The following PRDM11 variants were observed in gnomAD, a reference collection of about 807,000 sequenced individuals.
PRDM11 encodes PR domain-containing protein 11.
PRDM11 carries 20 observed loss-of-function variants against 97.8 expected under a neutral mutation model. The observed-to-expected ratio is 0.20, with a 90% confidence interval of 0.14 to 0.30. The LOEUF is 0.30. PRDM11 is among the 10% of genes least tolerant of loss of function. PRDM11 has a pLI of 1.00. For synonymous variants in PRDM11, 599 were observed against 637.7 expected (o/e 0.94, Z 0.91); for missense variants, 1,139 against 1,555.2 (o/e 0.73, Z 4.50).
chr11:45,153,966 A>C (rs1300946828), intron 1 of PRDM11, among the ~76,000 whole-genome samples: 1 of 152,138 alleles, frequency 6.6e-6, no homozygotes, highest in African/African-American at 2.4e-5. Context: ...TCATTTTTCC[A>C]ATCTTCTTAA....
upstream of PRDM11, among the ~76,000 whole-genome samples, chr11:45,144,822 T>C (rs925272647): frequency 3.9e-5 from 6 of 152,328 alleles, no homozygotes; most frequent in African/African-American, 1.4e-4. Flanking sequence ...CCTTCCTCAG[T>C]GCTCTTTTCT....
intron 1 of PRDM11, among the ~76,000 whole-genome samples, chr11:45,109,919 T>G (rs1163606178): frequency 2.6e-5 from 4 of 152,140 alleles, no homozygotes; most frequent in African/African-American, 9.7e-5. Flanking sequence ...CCAGGGTTGC[T>G]CACAGTCACC....
At chr11:45,115,700 G>T (rs1035524018) in intron 1 of PRDM11, among the ~76,000 whole-genome samples, 3 of 151,914 alleles carry the variant, frequency 2.0e-5, no homozygotes, top group Non-Finnish European at 4.4e-5. Context: ...GAGGCTGACG[G>T]GGGTGGATCA....
intron 1 of PRDM11, among the ~76,000 whole-genome samples, chr11:45,156,917 C>T (rs1298405536): frequency 6.6e-6 from 1 of 152,088 alleles, no homozygotes; most frequent in South Asian, 2.1e-4. Flanking sequence ...AACAGGAGGA[C>T]CCCATGGTTC....
chr11:45,115,942 G>GAAAAAAA (rs1288816395), intron 1 of PRDM11, among the ~76,000 whole-genome samples: 1 of 134,304 alleles, frequency 7.4e-6, no homozygotes, highest in African/African-American at 2.9e-5. Context: ...AAAAAAAAAA[G>GAAAAAAA]AAAAAAAGAA....
chr11:45,169,914 C>T lies in PRDM11; in HGVS notation c.-6-11847C>T, dbSNP rs970105315. On this transcript the variant is annotated intron_variant, in intron 1 of 7. Transcript: ENST00000683152. ...TATCATGTGCCTATCTTGCACCAGGCACTGCTCTAGTTTCAGGGGATGTAG... is the reference window on the plus strand; with the variant it reads ...TATCATGTGCCTATCTTGCACCAGGTACTGCTCTAGTTTCAGGGGATGTAG... Among the ~76,000 whole-genome samples the T allele has an allele frequency of 2.6e-5, 4 of 152,212 alleles. No homozygotes were observed. The East Asian group carries it at 7.7e-4, about 29-fold the overall frequency.
At chr11:45,214,080 G>A (rs1255490719) in intron 5 of PRDM11, 1 of 227,602 alleles carries the variant, frequency 4.4e-6, no homozygotes, top group Non-Finnish European at 8.8e-6. Flanking sequence ...CAGGAGTGGA[G>A]GGCAACCTCT....
chr11:45,161,964 C>A (rs1175519338), intron 1 of PRDM11, among the ~76,000 whole-genome samples: 1 of 152,236 alleles, frequency 6.6e-6, no homozygotes, highest in Non-Finnish European at 1.5e-5. Flanking sequence ...CCATCTGGTT[C>A]CCTGTCCGGT....
intron 1 of PRDM11, among the ~76,000 whole-genome samples, chr11:45,179,016 AG>A (rs1212099731): frequency 1.3e-5 from 2 of 152,232 alleles, no homozygotes; most frequent in African/African-American, 4.8e-5. Context: ...TGGCAGTTGG[AG>A]GGGGGCAGTG....
intron 6 of PRDM11, among the ~76,000 whole-genome samples, chr11:45,221,515 A>T (rs1299978326): frequency 6.6e-6 from 1 of 152,174 alleles, no homozygotes; most frequent in Non-Finnish European, 1.5e-5. Context: ...ACCTTCTTGC[A>T]TTCTTCTGGA....
chr11:45,167,076 G>T (rs982477504), intron 1 of PRDM11, among the ~76,000 whole-genome samples: 2 of 152,282 alleles, frequency 1.3e-5, no homozygotes, highest in South Asian at 4.1e-4. Flanking sequence ...TAGGAAGGGG[G>T]TATAATTCAC....
chr11:45,163,791 C>T (rs538603049), intron 1 of PRDM11, among the ~76,000 whole-genome samples: 2 of 152,152 alleles, frequency 1.3e-5, no homozygotes, highest in African/African-American at 4.8e-5. Flanking sequence ...CTTCCTCAGC[C>T]CCTATTTAAG....
At chr11:45,197,783 A>G (rs1473901264) in intron 4 of PRDM11, among the ~76,000 whole-genome samples, 1 of 152,074 alleles carries the variant, frequency 6.6e-6, no homozygotes, top group East Asian at 1.9e-4. Context: ...AGAAAACCAA[A>G]CACTGCATGT....
rs761088625 is a variant in PRDM11, at chr11:45,229,146, A to G, written c.*987A>G. ...AATGAAAAGTACATATTCGAGTTAC[A>G]TGGATTATTTATACTTTTTCTTTAT... On this transcript the variant is annotated 3_prime_UTR_variant, in exon 8 of 8. Coordinates refer to ENST00000683152, the MANE Select transcript of PRDM11 (RefSeq NM_001384648.1). The G allele has an allele frequency of 7.2e-5, 11 of 152,238 alleles. No individual in the cohort carries two copies. The highest frequency in any genetic ancestry group is 1.3e-4 in the Non-Finnish European group (9 of 68,038). 9.4% of individuals were successfully genotyped at this position (152,238 alleles called of 1,614,324 possible).
At chr11:45,140,774 A>G (rs1590372755) in intron 1 of PRDM11, among the ~76,000 whole-genome samples, 1 of 152,182 alleles carries the variant, frequency 6.6e-6, no homozygotes, top group Non-Finnish European at 1.5e-5. Flanking sequence ...GGACAAAAAA[A>G]AAAACAACCT....
intron 4 of PRDM11, among the ~76,000 whole-genome samples, chr11:45,197,869 C>T (rs889617511): frequency 4.6e-5 from 7 of 151,574 alleles, no homozygotes; most frequent in East Asian, 1.9e-4. Context: ...CAGGGCCTGT[C>T]GTGGGGTGCG....
chr11:45,220,489 T>C (rs1590470759), intron 6 of PRDM11, among the ~76,000 whole-genome samples: 1 of 152,370 alleles, frequency 6.6e-6, no homozygotes, highest in Non-Finnish European at 1.5e-5. Flanking sequence ...TGCATTCTTT[T>C]ACCCATCTTA....
intron 1 of PRDM11, among the ~76,000 whole-genome samples, chr11:45,112,508 C>A (rs1251218517): frequency 1.3e-5 from 2 of 152,208 alleles, no homozygotes; most frequent in African/African-American, 4.8e-5. Flanking sequence ...TTTAAGGAAT[C>A]TCCATACTGT....
chr11:45,223,329 T>C (rs777724416), intron 6 of PRDM11, among the ~76,000 whole-genome samples: 1 of 152,122 alleles, frequency 6.6e-6, no homozygotes, highest in Admixed American at 6.5e-5. Context: ...AAACAAGGAA[T>C]CAGTCTAAAA....
Sources: gnomAD v4.1 joint callset for allele counts (sites outside exome capture counted in the v4.1 genomes callset) on GRCh38, gnomAD v4.1.1 for gene constraint, MANE v1.5 for transcripts, NCBI Gene and HGNC (gene_info 2026-07-23, HGNC 2026-07-21) for gene names.